WDFY2: variants seen among roughly 807,000 people sequenced by gnomAD.
WDFY2 encodes WD repeat and FYVE domain-containing protein 2.
WDFY2 carries 36 observed loss-of-function variants against 56.4 expected under a neutral mutation model. That is an observed-to-expected ratio of 0.64 (90% confidence interval 0.49 to 0.84). The LOEUF is 0.84. Ranked by LOEUF, WDFY2 falls within the 40% of genes least tolerant of loss-of-function variation. The pLI is 0.00. For missense variants in WDFY2, 444 were observed against 512.2 expected (o/e 0.87, Z 1.29); for synonymous variants, 176 against 183.7 (o/e 0.96, Z 0.34).
chr13:51,732,753 G>A (rs1952751737), intron 6 of WDFY2, among the ~76,000 whole-genome samples: 1 of 152,200 alleles, frequency 6.6e-6, no homozygotes, highest in Non-Finnish European at 1.5e-5. Flanking sequence ...TAAAGTGCAG[G>A]TCAAGAGATG....
intron 7 of WDFY2, among the ~76,000 whole-genome samples, chr13:51,749,863 A>ATT (rs1433418922): frequency 1.3e-5 from 2 of 152,136 alleles, no homozygotes; most frequent in South Asian, 4.1e-4. Context: ...ACAAAACATA[A>ATT]TTGCTATTCA....
intron 1 of WDFY2, among the ~76,000 whole-genome samples, chr13:51,610,256 G>GTTT (rs1221404866): frequency 0.099 from 12,653 of 127,760 alleles, 628 homozygotes; most frequent in African/African-American, 0.2. Context: ...TTTTTTTTTG[G>GTTT]GGGGCTAAAA....
chr13:51,718,596 AC>A (rs1952417666), intron 4 of WDFY2, among the ~76,000 whole-genome samples: 1 of 150,876 alleles, frequency 6.6e-6, no homozygotes, highest in Non-Finnish European at 1.5e-5. Context: ...ACACACACAC[AC>A]ACACACTGTA....
At chr13:51,729,336 T>C (rs1487930568) in intron 6 of WDFY2, among the ~76,000 whole-genome samples, 1 of 151,550 alleles carries the variant, frequency 6.6e-6, no homozygotes, top group Admixed American at 6.6e-5. Context: ...AACAGAGACC[T>C]TCACCATCCT....
In WDFY2 at chr13:51,584,602, C is replaced by T; in HGVS notation, c.-86C>T. Reference sequence around the variant, plus strand: ...CTCCGGCCAGCCAGAGTCTCTGTCTCAACCTGTGTCCGTGCTCCAGCAGTC... The same window carrying T: ...CTCCGGCCAGCCAGAGTCTCTGTCTTAACCTGTGTCCGTGCTCCAGCAGTC... On this transcript the variant is annotated 5_prime_UTR_variant, in exon 1 of 12. Coordinates refer to ENST00000298125, the MANE Select transcript of WDFY2 (RefSeq NM_052950.4). The T allele has an allele frequency of 6.7e-7, 1 of 1,495,622 alleles. No homozygotes were observed. The highest frequency in any genetic ancestry group is 1.3e-5 in the South Asian group (1 of 77,786). The allele number at this position is 1,495,622 out of a possible 1,614,324, so 92.6% of individuals were successfully genotyped here. A position where few individuals can be genotyped will look rare whatever the true frequency, so the allele number is the denominator to read the frequency against.
chr13:51,672,695 ATTTG>A (rs1187189328), intron 2 of WDFY2, among the ~76,000 whole-genome samples: 7 of 152,100 alleles, frequency 4.6e-5, no homozygotes, highest in African/African-American at 1.7e-4. Flanking sequence ...ATATGTTTCC[ATTTG>A]TTTGTGTCAT....
rs1157955174 is a variant in WDFY2, at chr13:51,692,751, A to G, written c.280-10845A>G. On this transcript the variant is annotated intron_variant, in intron 3 of 11. Coordinates refer to ENST00000298125, the MANE Select transcript of WDFY2 (RefSeq NM_052950.4). ...ATTCCCTCTTTTTCTATTGATTGGA[A>G]TAGTTTCAGAAGGAGTGGTACCAGT... is the stretch of plus-strand genomic sequence containing the variant. Among the ~76,000 whole-genome samples the G allele has an allele frequency of 3.3e-5, 5 of 152,326 alleles. No individual in the cohort carries two copies. In the East Asian group the frequency reaches 9.6e-4, roughly 29 times the overall value.
At chr13:51,669,001 G>A (rs988148949) in intron 2 of WDFY2, among the ~76,000 whole-genome samples, 1 of 152,106 alleles carries the variant, frequency 6.6e-6, no homozygotes, top group Non-Finnish European at 1.5e-5. Flanking sequence ...CTCCTCTTAA[G>A]TACATGATTT....
intron 4 of WDFY2, among the ~76,000 whole-genome samples, chr13:51,713,624 G>A (rs554495052): frequency 6.6e-6 from 1 of 152,196 alleles, no homozygotes; most frequent in South Asian, 2.1e-4. Flanking sequence ...TGTAATCCCG[G>A]CACTTCAGGA....
At chr13:51,716,688 G>C (rs754655992) in intron 4 of WDFY2, among the ~76,000 whole-genome samples, 6 of 88,390 alleles carry the variant, frequency 6.8e-5, no homozygotes, top group Non-Finnish European at 1.0e-4. Context: ...GCGAGACTCC[G>C]TCTCAAAAAA....
At chr13:51,658,101 C>G (rs1380804754) in intron 1 of WDFY2, among the ~76,000 whole-genome samples, 1 of 152,138 alleles carries the variant, frequency 6.6e-6, no homozygotes, top group Non-Finnish European at 1.5e-5. Context: ...TTCTGGAAGT[C>G]ATATAATTCT....
chr13:51,736,743 G>C (rs895909936), intron 6 of WDFY2, among the ~76,000 whole-genome samples: 1 of 152,162 alleles, frequency 6.6e-6, no homozygotes, highest in East Asian at 1.9e-4. Context: ...AGCCCGCCTT[G>C]GCCTCCCAAA....
At position 51,740,454 on chromosome 13, in the gene WDFY2, G is replaced by A. The variant is rs550037602; in HGVS notation, c.725+1279G>A. Among the ~76,000 whole-genome samples the A allele has an allele frequency of 4.6e-5, 7 of 152,292 alleles. No individual in the cohort carries two copies. In the East Asian group the frequency reaches 1.4e-3, roughly 29 times the overall value. On this transcript the variant is annotated intron_variant, in intron 7 of 11. Coordinates refer to ENST00000298125, the MANE Select transcript of WDFY2 (RefSeq NM_052950.4). The stretch of plus-strand genomic sequence containing the variant: ...GCCAGGGCCGGGTGCATTGGCTCAC[G>A]CCTGTAATCCCAGCACTTTGGGAGG...
intron 6 of WDFY2, among the ~76,000 whole-genome samples, chr13:51,737,097 T>C (rs1199013502): frequency 6.6e-6 from 1 of 151,940 alleles, no homozygotes; most frequent in Non-Finnish European, 1.5e-5. Context: ...CCAGTTGGAG[T>C]GGCTTAGTCA....
chr13:51,757,459 A>AG (rs1953424543), intron 10 of WDFY2, among the ~76,000 whole-genome samples: 1 of 140,874 alleles, frequency 7.1e-6, no homozygotes, highest in Non-Finnish European at 1.5e-5. Flanking sequence ...GAAAAAAGGA[A>AG]AAAAAAAAAT....
At chr13:51,690,285 G>A (rs917337489) in intron 3 of WDFY2, among the ~76,000 whole-genome samples, 11 of 150,750 alleles carry the variant, frequency 7.3e-5, no homozygotes, top group African/African-American at 1.9e-4. Flanking sequence ...ATGCTGGTGC[G>A]CTGCATCCAC....
At chr13:51,653,887 C>T (rs1047517009) in intron 1 of WDFY2, among the ~76,000 whole-genome samples, 2 of 152,238 alleles carry the variant, frequency 1.3e-5, no homozygotes, top group African/African-American at 4.8e-5. Flanking sequence ...TGTCCGTTCT[C>T]AGATCTCAAG....
Position 51,584,754 on chromosome 13 carries a change from T to C in WDFY2, c.67T>C (p.Ser23Pro), listed in dbSNP as rs1182746549. The C allele has an allele frequency of 2.5e-6, 4 of 1,613,620 alleles. No individual in the cohort carries two copies. The Admixed American group carries it at 5.0e-5, about 20-fold the overall frequency. The change falls in exon 1 of 12, where the codon TCC becomes CCC. Residue 23 changes from serine (S) to proline (P), a missense_variant. Coordinates refer to ENST00000298125, the MANE Select transcript of WDFY2 (RefSeq NM_052950.4). ...GATCCTGCTGCAGCGGATGGAGGGG[T>C]CCCAGGAGGTGGTGAATATGGCCGT... ...KPILLQRMEG[S>P]QEVVNMAVIV...
chr13:51,652,652 C>T (rs1200865663), intron 1 of WDFY2, among the ~76,000 whole-genome samples: 1 of 152,106 alleles, frequency 6.6e-6, no homozygotes, highest in African/African-American at 2.4e-5. Flanking sequence ...TTTATTTCTC[C>T]TTCACTTATG....
Sources: gnomAD v4.1 joint callset for allele counts (sites outside exome capture counted in the v4.1 genomes callset) on GRCh38, gnomAD v4.1.1 for gene constraint, MANE v1.5 for transcripts, NCBI Gene and HGNC (gene_info 2026-07-23, HGNC 2026-07-21) for gene names.